The following NUTM2G variants were observed in gnomAD, a reference collection of about 807,000 sequenced individuals.
NUTM2G encodes the protein NUT family member 2G.
NUTM2G carries 29 observed loss-of-function variants against 44.3 expected under a neutral mutation model. The observed-to-expected ratio is 0.66, with a 90% CI of 0.49 to 0.89. NUTM2G has a LOEUF of 0.89. NUTM2G is among the 40% of genes least tolerant of loss of function. The pLI is 0.00. For synonymous variants in NUTM2G, 205 were observed against 395.9 expected (o/e 0.52, Z 5.72); for missense variants, 502 against 946.5 (o/e 0.53, Z 6.16).
rs1588207025 is a variant in NUTM2G at position 96,938,647 on chromosome 9, T to G, written c.1724T>G (p.Val575Gly). 1 of 1,602,732 alleles carries G rather than the reference T, an allele frequency of 6.2e-7. No individual in the cohort carries two copies. Among genetic ancestry groups the G allele is most frequent in the South Asian group, 1.1e-5 (1 of 90,352 alleles). The change falls in exon 7 of 7, where the codon GTC (valine) becomes GGC (glycine). Residue 575 changes from valine to glycine, a missense_variant. Val to Gly is a moderately radical substitution (Grantham distance 109, BLOSUM62 -3). Coordinates refer to ENST00000372322, the MANE Select transcript of NUTM2G (RefSeq NM_001170741.3). ...GCQDSPRLKA[V>G]RPTSPPQDHR... is the part of the protein sequence containing the mutation. ...CAGGACTCCCCCAGGCTGAAGGCTG[T>G]CCGGCCAACCTCTCCTCCCCAGGAC...
rs758107459 is a variant in NUTM2G, at chr9:96,937,205, TC to T, written c.1130del (p.Pro377LeufsTer43). The T allele has an allele frequency of 3.7e-6, 6 of 1,612,594 alleles. No individual in the cohort carries two copies. The highest frequency in any genetic ancestry group is 5.1e-6 in the Non-Finnish European group (6 of 1,179,802). ...RPAETKVPEEIPPEVVQEYVD... is the reference protein window; with the variant it reads ...RPAETKVPEEXPPEVVQEYVD... ...GCAGAGACCAAGGTCCCTGAGGAGA[TC>T]CCCCCTGAAGTGGTGCAGGAGTATG... On this transcript the variant is annotated frameshift_variant, in exon 5 of 7. Coordinates refer to ENST00000372322, the MANE Select transcript of NUTM2G (RefSeq NM_001170741.3). LOFTEE classifies it high-confidence loss of function.
In NUTM2G at chr9:96,931,743, G is replaced by A. The variant is rs1360333265; in HGVS notation, c.38G>A (p.Gly13Asp). 6.2e-7 allele frequency: 1 copy of A among 1,611,342 alleles called. No homozygotes were observed. The highest frequency in any genetic ancestry group is 1.3e-5 in the African/African-American group (1 of 74,460). Residue 13 changes from glycine (G) to aspartate (D), a missense_variant, in exon 2 of 7, where the codon GGC (glycine) becomes GAC (aspartate). By Grantham distance (94) the Gly-to-Asp change is moderately conservative. Transcript: ENST00000372322. ...SNGAYPVLGPGVTVNPGTSLS... is the reference protein window; with the variant it reads ...SNGAYPVLGPDVTVNPGTSLS... ...ACAGCATACCCAGTGCTGGGACCCG[G>A]CGTGACCGTGAACCCTGGCACCTCC...
intron 2 of NUTM2G, among the ~76,000 whole-genome samples, chr9:96,932,929 A>G (rs1826311465): frequency 2.7e-5 from 4 of 150,778 alleles, no homozygotes; most frequent in Admixed American, 2.6e-4. Flanking sequence ...GATTACAGGC[A>G]TGAGCCATCA....
At chr9:96,936,130 C>T (rs1826422527) in intron 3 of NUTM2G, among the ~76,000 whole-genome samples, 1 of 149,636 alleles carries the variant, frequency 6.7e-6, no homozygotes, top group African/African-American at 2.5e-5. Flanking sequence ...ATCAACCCCA[C>T]CCCCGGCCAG....
chr9:96,936,659 G>A (rs1588204981), intron 4 of NUTM2G, 95 bp downstream of exon 4: 1 of 1,490,298 alleles, frequency 6.7e-7, no homozygotes, highest in Non-Finnish European at 8.9e-7. Flanking sequence ...CTTCAAGAGG[G>A]GGATTTGCTC....
At chr9:96,931,650 C>A (rs1482581134) in intron 1 of NUTM2G, 72 bp from the exon 2 acceptor site, 71 of 1,572,872 alleles carry the variant, frequency 4.5e-5, no homozygotes, top group Non-Finnish European at 5.5e-5. Context: ...TGTTGGGACT[C>A]CCCTGATTCC....
chr9:96,935,201 G>T (rs1489644346), intron 2 of NUTM2G, 127 bp from the exon 3 acceptor site: 4 of 1,479,494 alleles, frequency 2.7e-6, no homozygotes, highest in East Asian at 2.5e-5. Flanking sequence ...GAGCCCACAT[G>T]GGGGAGAACA....
In NUTM2G at chr9:96,931,960, G is replaced by A; in HGVS notation, c.255G>A (p.Met85Ile). 1 of 1,611,814 alleles carries A rather than the reference G, an allele frequency of 6.2e-7. No homozygotes were observed. The highest frequency in any genetic ancestry group is 8.5e-7 in the Non-Finnish European group (1 of 1,179,830). ...GGGCTTCCAACGTCTTTGTCCAGATGAGGACAGAAGTGGGGCCTGTGAAGC... is the reference window on the plus strand; with the variant it reads ...GGGCTTCCAACGTCTTTGTCCAGATAAGGACAGAAGTGGGGCCTGTGAAGC... ...GAGASNVFVQ[M>I]RTEVGPVKPP... is the part of the protein sequence containing the mutation. Residue 85 changes from methionine (M) to isoleucine (I), a missense_variant, in exon 2 of 7, where the codon ATG (methionine) becomes ATA (isoleucine). By Grantham distance (10) the Met-to-Ile change is conservative. Coordinates refer to ENST00000372322, the MANE Select transcript of NUTM2G (RefSeq NM_001170741.3).
At chr9:96,930,898 T>TTG (rs1826223621) in intron 1 of NUTM2G, among the ~76,000 whole-genome samples, 1 of 96,890 alleles carries the variant, frequency 1.0e-5, no homozygotes, top group Non-Finnish European at 1.9e-5. Context: ...TTTTTTTTTT[T>TTG]TTTTTTTTTT....
chr9:96,938,635 G>A lies in NUTM2G; in HGVS notation c.1712G>A (p.Arg571Lys), dbSNP rs778014025. ...CTTTTGGGATGTCAGGACTCCCCCA[G>A]GCTGAAGGCTGTCCGGCCAACCTCT... ...AVLLGCQDSP[R>K]LKAVRPTSPP... Residue 571 changes from arginine (R) to lysine (K), a missense_variant, in exon 7 of 7, where the codon AGG becomes AAG. By Grantham distance (26) the Arg-to-Lys change is conservative. Coordinates refer to ENST00000372322, the MANE Select transcript of NUTM2G (RefSeq NM_001170741.3). 8.7e-6 allele frequency: 14 copies of A among 1,600,626 alleles called. No individual in the cohort carries two copies. The highest frequency in any genetic ancestry group is 1.5e-5 in the African/African-American group (1 of 67,256).
At chr9:96,931,251 G>A (rs1008776081) in intron 1 of NUTM2G, among the ~76,000 whole-genome samples, 2 of 151,574 alleles carry the variant, frequency 1.3e-5, no homozygotes, top group African/African-American at 4.8e-5. Context: ...GAGCTTCAGG[G>A]AAAGGAAGAC....
At chr9:96,933,194 G>A (rs1410888188) in intron 2 of NUTM2G, among the ~76,000 whole-genome samples, 1 of 149,760 alleles carries the variant, frequency 6.7e-6, no homozygotes, top group Non-Finnish European at 1.5e-5. Context: ...TAGCCAGGAT[G>A]CTCTCAATCT....
chr9:96,940,520 G>A (rs1253164974), downstream of NUTM2G, among the ~76,000 whole-genome samples: 6 of 150,496 alleles, frequency 4.0e-5, no homozygotes, highest in South Asian at 4.2e-4. Context: ...TCCCAGCATG[G>A]ACAGGACCCA....
At chr9:96,934,428 C>T (rs1826364636) in intron 2 of NUTM2G, among the ~76,000 whole-genome samples, 1 of 151,894 alleles carries the variant, frequency 6.6e-6, no homozygotes. Context: ...CCCCTTGGAG[C>T]GGAGTCCCGG....
chr9:96,930,091 A>T (rs1826190628), intron 1 of NUTM2G, among the ~76,000 whole-genome samples: 1 of 152,154 alleles, frequency 6.6e-6, no homozygotes, highest in Admixed American at 6.5e-5. Flanking sequence ...TGAGTTCCAG[A>T]CAACTCTGCC....
chr9:96,938,823 C>A lies in NUTM2G; in HGVS notation c.1900C>A (p.Leu634Met), dbSNP rs1443894522. The A allele has an allele frequency of 6.5e-7, 1 of 1,545,368 alleles. No individual in the cohort carries two copies. The highest frequency in any genetic ancestry group is 8.7e-7 in the Non-Finnish European group (1 of 1,148,732). ...MVYVVGSHHR[L>M]RPWRLSQSPV... The stretch of plus-strand genomic sequence containing the variant: ...CTATGTCGTGGGTTCCCACCACAGG[C>A]TGAGGCCCTGGAGGCTGTCCCAGAG... Residue 634 changes from leucine (L) to methionine (M), a missense_variant, in exon 7 of 7, where the codon CTG (leucine) becomes ATG (methionine). Leu to Met is a conservative substitution (Grantham distance 15). Coordinates refer to ENST00000372322, the MANE Select transcript of NUTM2G (RefSeq NM_001170741.3).
rs757924626 is a variant in NUTM2G, at chr9:96,937,906, C to G, written c.1345C>G (p.Arg449Gly). The G allele has an allele frequency of 6.2e-7, 1 of 1,611,602 alleles. No homozygotes were observed. Residue 449 changes from arginine (R) to glycine (G), a missense_variant, in exon 6 of 7, where the codon CGA becomes GGA. Arg to Gly is a moderately radical substitution (Grantham distance 125). Transcript: ENST00000372322. ...CCAGGTGGAGGCCGTCATTCACCCC[C>G]GATTCCTGGAAGAATTGCTTTCCCC... ...VTKVEAVIHP[R>G]FLEELLSPDP...
intron 3 of NUTM2G, among the ~76,000 whole-genome samples, chr9:96,935,947 A>C (rs1483663358): frequency 6.7e-6 from 1 of 150,158 alleles, no homozygotes; most frequent in Non-Finnish European, 1.5e-5. Flanking sequence ...ACCGTCCGTG[A>C]AGACAGACAG....
At chr9:96,935,046 G>A (rs1415864055) in intron 2 of NUTM2G, among the ~76,000 whole-genome samples, 1 of 152,226 alleles carries the variant, frequency 6.6e-6, no homozygotes, top group African/African-American at 2.4e-5. Flanking sequence ...CTTCAACACA[G>A]GAATGTTGGG....
Sources: gnomAD v4.1 joint callset for allele counts (sites outside exome capture counted in the v4.1 genomes callset) on GRCh38, gnomAD v4.1.1 for gene constraint, MANE v1.5 for transcripts, NCBI Gene and HGNC (gene_info 2026-07-23, HGNC 2026-07-21) for gene names.